Variants in IL4I1 observed in about 807,000 individuals in gnomAD.
IL4I1 encodes the protein L-amino-acid oxidase.
IL4I1 carries 24 observed loss-of-function variants against 29.7 expected under a neutral mutation model. That is an observed-to-expected ratio of 0.81 (90% confidence interval 0.59 to 1.14). The LOEUF (loss-of-function observed/expected upper bound fraction) is 1.14. Ranked by LOEUF, IL4I1 falls within the 50% of genes most tolerant of loss-of-function variation. The pLI, the probability that IL4I1 is intolerant of heterozygous loss-of-function variation, is 0.00. For missense variants in IL4I1, 686 were observed against 785.6 expected (o/e 0.87, Z 1.52); for synonymous variants, 371 against 352.5 (o/e 1.05, Z -0.59).
chr19:49,891,092 C>T lies in IL4I1; in HGVS notation c.652G>A (p.Glu218Lys), dbSNP rs747969132. Residue 218 changes from glutamate (E) to lysine (K), a missense_variant, in exon 7 of 8, where the codon GAG (glutamate) becomes AAG (lysine). By Grantham distance (56) the Glu-to-Lys change is moderately conservative (BLOSUM62 1). Coordinates refer to ENST00000391826, the MANE Select transcript of IL4I1 (RefSeq NM_152899.2). ...ACGGCCGGCCGGCTCAGGTTCCCCT[C>T]CCCGAGAAGATATTCCTGCAGGTTG... ...RHTLLEYLLG[E>K]GNLSRPAVQL... The T allele has an allele frequency of 1.6e-5, 26 of 1,612,914 alleles. No individual in the cohort carries two copies. The Admixed American group carries it at 4.0e-4, about 25-fold the overall frequency.
intron 2 of IL4I1, among the ~76,000 whole-genome samples, chr19:49,924,673 G>A (rs2075842769): frequency 6.6e-6 from 1 of 152,228 alleles, no homozygotes; most frequent in South Asian, 2.1e-4. Flanking sequence ...CACACGAGGG[G>A]ACTCAGGGTT....
chr19:49,899,649 T>TG (rs1274906664), upstream of IL4I1, among the ~76,000 whole-genome samples: 6 of 151,746 alleles, frequency 4.0e-5, no homozygotes, highest in African/African-American at 1.5e-4. Context: ...CTCCACCTCC[T>TG]GGGTTCACGC....
chr19:49,917,284 C>T (rs560834795), intron 2 of IL4I1, among the ~76,000 whole-genome samples: 3 of 152,236 alleles, frequency 2.0e-5, no homozygotes, highest in Non-Finnish European at 4.4e-5. Flanking sequence ...CCGTGGGAAC[C>T]TCTGGCCAGG....
At chr19:49,923,285 C>A (rs759760022) in intron 2 of IL4I1, among the ~76,000 whole-genome samples, 1 of 152,190 alleles carries the variant, frequency 6.6e-6, no homozygotes, top group Non-Finnish European at 1.5e-5. Flanking sequence ...CCCTGGCCTG[C>A]GTGACCCAGT....
chr19:49,924,407 C>T (rs970501554), intron 2 of IL4I1, among the ~76,000 whole-genome samples: 4 of 152,160 alleles, frequency 2.6e-5, no homozygotes, highest in Admixed American at 6.5e-5. Context: ...CTCTGCTAAC[C>T]GGGAGCGGTT....
Position 49,909,395 on chromosome 19 carries a change from G to C in IL4I1, c.-227-5074C>G, listed in dbSNP as rs761462475. ...GGTGGAGGGGCCAAACACAAAGCCGGTGGGTGCTGTGCCCTGGCTGGAGGT... is the reference window on the plus strand; with the variant it reads ...GGTGGAGGGGCCAAACACAAAGCCGCTGGGTGCTGTGCCCTGGCTGGAGGT... On this transcript the variant is annotated intron_variant, in intron 2 of 9. Coordinates refer to the IL4I1 transcript ENST00000341114. The C allele has an allele frequency of 2.3e-4, 366 of 1,613,710 alleles. No individual in the cohort carries two copies. The highest frequency in any genetic ancestry group is 3.0e-4 in the Non-Finnish European group (353 of 1,180,036).
At chr19:49,901,761 GGT>G (rs1302697781), upstream of IL4I1, 3 of 1,430,790 alleles carry the variant, frequency 2.1e-6, no homozygotes, top group Non-Finnish European at 2.8e-6. Context: ...CCTTGTTAGT[GGT>G]GCCCTTGTTA....
At chr19:49,911,820 G>A (rs1568705848) in intron 2 of IL4I1, among the ~76,000 whole-genome samples, 1 of 152,174 alleles carries the variant, frequency 6.6e-6, no homozygotes, top group Non-Finnish European at 1.5e-5. Context: ...GCTTTCCTGG[G>A]GGATTCTGAG....
rs775526160 is a variant in IL4I1 at position 49,908,573 on chromosome 19, T to C, written c.-227-4252A>G. 11 of 1,614,056 alleles carry C rather than the reference T, an allele frequency of 6.8e-6. No individual in the cohort carries two copies. In the Admixed American group the frequency reaches 1.8e-4, roughly 27 times the overall value. The stretch of plus-strand genomic sequence containing the variant: ...GGTCCCGCTCTGCTCCTTGACCAAC[T>C]CCTCCAGTGGGCTCAGCAGGTCTTC... On this transcript the variant is annotated intron_variant, in intron 2 of 9. Coordinates refer to the IL4I1 transcript ENST00000341114.
intron 2 of IL4I1, among the ~76,000 whole-genome samples, chr19:49,905,494 G>A (rs1056368890): frequency 6.6e-6 from 1 of 152,240 alleles, no homozygotes; most frequent in Admixed American, 6.5e-5. Flanking sequence ...AGAAGTAGCT[G>A]GGTTGTGGGG....
In IL4I1 at chr19:49,895,247, C is replaced by T. The variant is rs1004186556; in HGVS notation, c.253-67G>A. ...CCACTGACCATCCCCTGCCCTCTAC[C>T]ACCCCGTGCCAGCCCCCTGCCTTCT... On this transcript the variant is annotated intron_variant, in intron 3 of 7. Transcript: ENST00000391826. The T allele has an allele frequency of 1.1e-5, 14 of 1,281,852 alleles. No individual in the cohort carries two copies. The African/African-American group carries it at 1.6e-4, about 15-fold the overall frequency. The allele number at this position is 1,281,852 out of a possible 1,614,324, so 79.4% of individuals were successfully genotyped here.
chr19:49,894,397 C>T lies in IL4I1; in HGVS notation c.438G>A (p.Trp146Ter). ...TKFTQYDKNT[W>*]TEVHEVKLRN... ...GCAGCTTCACTTCGTGCACCTCCGTCCACGTGTTCTTGTCGTACTGGGTGA... is the reference window on the plus strand; with the variant it reads ...GCAGCTTCACTTCGTGCACCTCCGTTCACGTGTTCTTGTCGTACTGGGTGA... The change falls in exon 5 of 8, where the codon TGG becomes TGA. Residue 146 changes from tryptophan (W) to a stop codon, truncating the protein, a stop_gained. Transcript: ENST00000391826. LOFTEE classifies it high-confidence loss of function. The T allele has an allele frequency of 5.6e-6, 9 of 1,614,230 alleles. No homozygotes were observed. Among genetic ancestry groups the T allele is most frequent in the African/African-American group, 1.3e-5 (1 of 75,068 alleles).
Position 49,891,124 on chromosome 19 carries a change from G to C in IL4I1, c.637-17C>G. On this transcript the variant is annotated splice_polypyrimidine_tract_variant and intron_variant, in intron 6 of 7. Transcript: ENST00000391826. ...AAGATATTCCTGCAGGTTGGGCACA[G>C]GCCGAGGTTAGGGCCCAGGCAGGCT... is the stretch of plus-strand genomic sequence containing the variant. 6.2e-7 allele frequency: 1 copy of C among 1,609,126 alleles called. No homozygotes were observed. The highest frequency in any genetic ancestry group is 8.5e-7 in the Non-Finnish European group (1 of 1,178,126).
upstream of IL4I1, among the ~76,000 whole-genome samples, chr19:49,901,274 C>T (rs1035923569): frequency 2.0e-5 from 3 of 152,208 alleles, no homozygotes; most frequent in Admixed American, 6.5e-5. Flanking sequence ...ATCCCAGCTA[C>T]TCAGGATCCT....
rs1221654418 is a variant in IL4I1, at chr19:49,890,400, G to T, written c.974C>A (p.Pro325Gln). The change falls in exon 8 of 8, where the codon CCG (proline) becomes CAG (glutamine). Residue 325 changes from proline to glutamine, a missense_variant. Transcript: ENST00000391826. ...ADVVLLTASGPAVKRITFSPP... is the reference protein window; with the variant it reads ...ADVVLLTASGQAVKRITFSPP... ...CGAGAAGGTGATGCGCTTCACCGCC[G>T]GTCCGCTCGCCGTCAGCAGCACCAC... 3 of 1,606,920 alleles carry T rather than the reference G, an allele frequency of 1.9e-6. No homozygotes were observed. Among genetic ancestry groups the T allele is most frequent in the South Asian group, 2.2e-5 (2 of 90,994 alleles).
intron 2 of IL4I1, among the ~76,000 whole-genome samples, chr19:49,922,306 C>T (rs528917732): frequency 2.7e-4 from 41 of 152,276 alleles, no homozygotes; most frequent in African/African-American, 9.6e-4. Flanking sequence ...CTCCTGGTGG[C>T]CTCTGGCTGG....
At chr19:49,924,068 G>C (rs190270806) in intron 2 of IL4I1, among the ~76,000 whole-genome samples, 1 of 152,188 alleles carries the variant, frequency 6.6e-6, no homozygotes, top group Non-Finnish European at 1.5e-5. Context: ...GGCAGGAATC[G>C]ATAGCGTCTG....
upstream of IL4I1, among the ~76,000 whole-genome samples, chr19:49,900,435 G>A (rs978215603): frequency 6.6e-6 from 1 of 151,968 alleles, no homozygotes. Context: ...ACAGGTGCGC[G>A]CACCACCACG....
Position 49,895,159 on chromosome 19 carries a change from T to C in IL4I1, c.274A>G (p.Asn92Asp), listed in dbSNP as rs111772144. Residue 92 changes from asparagine (N) to aspartate (D), a missense_variant, in exon 4 of 8, where the codon AAC becomes GAC. Coordinates refer to ENST00000391826, the MANE Select transcript of IL4I1 (RefSeq NM_152899.2). ...GHKVTILEADNRIGGRIFTYR... is the reference protein window; with the variant it reads ...GHKVTILEADDRIGGRIFTYR... ...GTGAAGATGCGGCCCCCGATCCTGT[T>C]ATCTGCCTCCAGGATGGTGACCTGA... The C allele has an allele frequency of 1.3e-3, 2,037 of 1,613,790 alleles. 21 individuals are homozygous for C. In the African/African-American group the frequency reaches 0.023, roughly 18 times the overall value.
Sources: allele counts gnomAD v4.1 joint callset (sites outside exome capture counted in the v4.1 genomes callset), GRCh38; gene constraint gnomAD v4.1.1; transcripts MANE v1.5; gene names NCBI Gene and HGNC (gene_info 2026-07-23, HGNC 2026-07-21).